PCDHGA8: variants seen among roughly 807,000 people sequenced by gnomAD.
PCDHGA8 encodes protocadherin gamma subfamily A, 8.
A neutral mutation model predicts 59.2 loss-of-function variants in PCDHGA8; 45 were observed. That is an observed-to-expected ratio of 0.76 (90% CI 0.60 to 0.98). PCDHGA8 has a LOEUF of 0.98. Among genes scored for constraint, PCDHGA8 ranks in the 50% least tolerant of loss-of-function variants. The pLI, the probability that PCDHGA8 is intolerant of heterozygous loss-of-function variation, is 0.00. For missense variants in PCDHGA8, 1,257 were observed against 1,196.2 expected (o/e 1.05, Z -0.75); for synonymous variants, 531 against 519.0 (o/e 1.02, Z -0.32).
At position 141,393,251 on chromosome 5, in the gene PCDHGA8, G is replaced by C; in HGVS notation, c.438G>C (p.Ala146=). 6.2e-7 allele frequency: 1 copy of C among 1,613,814 alleles called. No individual in the cohort carries two copies. The highest frequency in any genetic ancestry group is 1.1e-5 in the South Asian group (1 of 91,080). Residue 146 remains alanine, a synonymous_variant, in exon 1 of 4, where the codon GCG becomes GCC. Coordinates refer to ENST00000398604, the MANE Select transcript of PCDHGA8 (RefSeq NM_032088.2). ...TAGAAGTAAAAATTAACGAAATCGCGGTTCCTGGAGCACGTTATCCACTCC... is the reference window on the plus strand; with the variant it reads ...TAGAAGTAAAAATTAACGAAATCGCCGTTCCTGGAGCACGTTATCCACTCC... ...EDLEVKINEI[A]VPGARYPLPE...
intron 1 of PCDHGA8, chr5:141,398,756 T>C: frequency 1.9e-6 from 3 of 1,613,924 alleles, no homozygotes; most frequent in Non-Finnish European, 2.5e-6. Context: ...TACCATCGTT[T>C]AGTCCTGACT....
intron 1 of PCDHGA8, among the ~76,000 whole-genome samples, chr5:141,445,784 G>A (rs2098477494): frequency 6.6e-6 from 1 of 152,168 alleles, no homozygotes; most frequent in Non-Finnish European, 1.5e-5. Flanking sequence ...GGGCTAGGGA[G>A]GCTAGAAACA....
chr5:141,453,077 T>C (rs2098755487), intron 1 of PCDHGA8, among the ~76,000 whole-genome samples: 1 of 152,090 alleles, frequency 6.6e-6, no homozygotes, highest in African/African-American at 2.4e-5. Context: ...CACACTCTGG[T>C]TGATTAGTAT....
chr5:141,460,587 T>C (rs1461971599), intron 1 of PCDHGA8, among the ~76,000 whole-genome samples: 1 of 152,170 alleles, frequency 6.6e-6, no homozygotes, highest in Non-Finnish European at 1.5e-5. Flanking sequence ...TGTGGGTTTT[T>C]TCTGGGCTCT....
chr5:141,403,189 G>A (rs1234686339), intron 1 of PCDHGA8: 2 of 1,613,860 alleles, frequency 1.2e-6, no homozygotes, highest in South Asian at 1.1e-5. Flanking sequence ...CTCTGAACCC[G>A]CGCAGCGGCA....
In PCDHGA8 at chr5:141,476,529, A is replaced by G. The variant is rs752442904; in HGVS notation, c.2425-18278A>G. On this transcript the variant is annotated intron_variant, in intron 1 of 3. Coordinates refer to ENST00000398604, the MANE Select transcript of PCDHGA8 (RefSeq NM_032088.2). The surrounding 1 kb of genome is among the most constrained non-coding windows in gnomAD (Gnocchi z 7.6). ...GACAACAATCCTGCTTTCCCTACCCAGGAAATGAAATTGGAGATTAGCGAG... is the reference window on the plus strand; with the variant it reads ...GACAACAATCCTGCTTTCCCTACCCGGGAAATGAAATTGGAGATTAGCGAG... 2.8e-5 allele frequency: 46 copies of G among 1,614,198 alleles called. No individual in the cohort carries two copies. Among genetic ancestry groups the G allele is most frequent in the Non-Finnish European group, 3.8e-5 (45 of 1,180,044 alleles).
intron 1 of PCDHGA8, chr5:141,410,184 A>G: frequency 6.2e-7 from 1 of 1,613,918 alleles, no homozygotes; most frequent in Non-Finnish European, 8.5e-7. Flanking sequence ...GCCACGCTTC[A>G]TCTGGTCTTC....
In PCDHGA8 at chr5:141,512,385, A is replaced by G. The variant is rs78180647; in HGVS notation, c.*1212A>G. 6,750 of 152,704 alleles carry G rather than the reference A, an allele frequency of 0.044. 413 individuals carry two copies. Among genetic ancestry groups the G allele is most frequent in the Admixed American group, 0.18 (2,745 of 15,296 alleles). The allele number at this position is 152,704 out of a possible 1,614,324, so 9.5% of individuals were successfully genotyped here. ...TAGGGCAGGGACCAAATGAACAGAAAGTCTCAGCCCAGGATGGGGCTTCTT... is the reference window on the plus strand; with the variant it reads ...TAGGGCAGGGACCAAATGAACAGAAGGTCTCAGCCCAGGATGGGGCTTCTT... On this transcript the variant is annotated 3_prime_UTR_variant, in exon 4 of 4. Coordinates refer to ENST00000398604, the MANE Select transcript of PCDHGA8 (RefSeq NM_032088.2).
At chr5:141,400,233 C>A (rs373858401) in intron 1 of PCDHGA8, 2 of 1,613,988 alleles carry the variant, frequency 1.2e-6, no homozygotes, top group African/African-American at 1.3e-5. Flanking sequence ...TCCTCCTGGC[C>A]GTGATTCTGG....
At position 141,393,545 on chromosome 5, in the gene PCDHGA8, C is replaced by CCCGATTTA. The variant is rs1171677857; in HGVS notation, c.737_744dup (p.Val249PhefsTer4). The CCCGATTTA allele has an allele frequency of 1.2e-6, 2 of 1,613,858 alleles. No homozygotes were observed. Among genetic ancestry groups the CCCGATTTA allele is most frequent in the African/African-American group, 1.3e-5 (1 of 74,940 alleles). On this transcript the variant is annotated frameshift_variant, in exon 1 of 4. Coordinates refer to ENST00000398604, the MANE Select transcript of PCDHGA8 (RefSeq NM_032088.2). LOFTEE classifies it high-confidence loss of function. ...ATGACAATGCCCCGGTTTTTCCTCA[C>CCCGATTTA]CCGATTTACCGAGTGAAAGTCCTTG... is the stretch of plus-strand genomic sequence containing the variant.
chr5:141,397,876 C>A (rs2093580679), intron 1 of PCDHGA8: 1 of 579,756 alleles, frequency 1.7e-6, no homozygotes, highest in East Asian at 2.9e-5. Flanking sequence ...TGACTCTGGG[C>A]GCCGCTGTTG....
chr5:141,403,054 A>G, intron 1 of PCDHGA8: 6 of 1,614,062 alleles, frequency 3.7e-6, no homozygotes, highest in Non-Finnish European at 5.1e-6. Flanking sequence ...TTCGCTACTC[A>G]GTGCCTGAAG....
chr5:141,431,916 T>C lies in PCDHGA8; in HGVS notation c.2424+36679T>C, dbSNP rs2097428336. 1 of 1,614,056 alleles carries C rather than the reference T, an allele frequency of 6.2e-7. No homozygotes were observed. Among genetic ancestry groups the C allele is most frequent in the Middle Eastern group, 1.6e-4 (1 of 6,062 alleles). ...GAAAACGGACAGGTGATCTGTTTCA[T>C]CCAAGGAAATCTGCCCTTTAAATTA... On this transcript the variant is annotated intron_variant, in intron 1 of 3. Transcript: ENST00000398604. The surrounding 1 kb of genome is among the most constrained non-coding windows in gnomAD (Gnocchi z 4.8).
intron 1 of PCDHGA8, chr5:141,420,927 G>A (rs1257204379): frequency 2.8e-6 from 1 of 362,530 alleles, no homozygotes; most frequent in Non-Finnish European, 5.0e-6. Context: ...ACAAAGGTGA[G>A]CGTAATCATT....
chr5:141,394,684 G>C lies in PCDHGA8; in HGVS notation c.1871G>C (p.Gly624Ala). 6.2e-7 allele frequency: 1 copy of C among 1,612,090 alleles called. No individual in the cohort carries two copies. Among genetic ancestry groups the C allele is most frequent in the South Asian group, 1.1e-5 (1 of 90,962 alleles). ...CTCTTCTCGGTGGGTCTGCACACGG[G>C]CGAGGTGCGCACGGCGCGAGCCCTG... ...PGLFSVGLHT[G>A]EVRTARALLD... The change falls in exon 1 of 4, where the codon GGC becomes GCC. Residue 624 changes from glycine to alanine, a missense_variant. Transcript: ENST00000398604.
Position 141,431,033 on chromosome 5 carries a change from C to G in PCDHGA8, c.2424+35796C>G, listed in dbSNP as rs1006751011. ...CTTGGTCACGGCGGGCAGGATAGAC[C>G]GGGAGGAGCTCTGTATGGGGGCCAT... On this transcript the variant is annotated intron_variant, in intron 1 of 3. Coordinates refer to ENST00000398604, the MANE Select transcript of PCDHGA8 (RefSeq NM_032088.2). This position sits in a 1 kb window ranked among gnomAD's most constrained non-coding sequence, Gnocchi z 4.8. 1.2e-6 allele frequency: 2 copies of G among 1,613,980 alleles called. No individual in the cohort carries two copies. Among genetic ancestry groups the G allele is most frequent in the Admixed American group, 3.3e-5 (2 of 60,024 alleles).
chr5:141,452,968 A>G (rs1028716079), intron 1 of PCDHGA8, among the ~76,000 whole-genome samples: 3 of 152,210 alleles, frequency 2.0e-5, no homozygotes, highest in Non-Finnish European at 4.4e-5. Flanking sequence ...AACTGAGGGT[A>G]TATTGTCAAA....
chr5:141,418,006 C>T, intron 1 of PCDHGA8: 7 of 1,613,896 alleles, frequency 4.3e-6, no homozygotes, highest in Non-Finnish European at 5.9e-6. Flanking sequence ...TGGTGGGGAA[C>T]CTCGCTAAGG....
chr5:141,497,084 G>A (rs1417389801), intron 2 of PCDHGA8, among the ~76,000 whole-genome samples: 1 of 152,098 alleles, frequency 6.6e-6, no homozygotes, highest in East Asian at 1.9e-4. Context: ...AGCGACTTAG[G>A]AGGCTGAGGC....
Sources: allele counts gnomAD v4.1 joint callset (sites outside exome capture counted in the v4.1 genomes callset), GRCh38; gene constraint gnomAD v4.1.1; non-coding constraint Gnocchi (gnomAD v3.1); transcripts MANE v1.5; gene names NCBI Gene and HGNC (gene_info 2026-07-23, HGNC 2026-07-21).